The following SASH1 variants were observed in gnomAD, a reference collection of about 807,000 sequenced individuals.
The protein encoded by SASH1 is SAM and SH3 domain containing 1.
Under a neutral mutation model 125.2 loss-of-function variants are expected in SASH1, and 44 were observed. The observed-to-expected ratio is 0.35, with a 90% CI of 0.28 to 0.45. SASH1 has a LOEUF of 0.45. SASH1 is among the 20% of genes least tolerant of loss of function. The pLI, the probability that SASH1 is intolerant of heterozygous loss-of-function variation, is 1.00. For missense variants in SASH1, 1,426 were observed against 1,614.5 expected, an observed-to-expected ratio of 0.88 and a Z score of 2.00; for synonymous variants, 639 against 649.1, an observed-to-expected ratio of 0.98 and a Z score of 0.24.
intron 7 of SASH1, among the ~76,000 whole-genome samples, chr6:148,486,537 A>T (rs2115195734): frequency 6.6e-6 from 1 of 152,288 alleles, no homozygotes; most frequent in East Asian, 1.9e-4. Flanking sequence ...AAAGGTCTCC[A>T]ATAACCCCAT....
intron 4 of SASH1, among the ~76,000 whole-genome samples, chr6:148,446,829 T>C (rs774581702): frequency 2.0e-5 from 3 of 152,040 alleles, no homozygotes; most frequent in Admixed American, 6.6e-5. Context: ...AGGACAGAGG[T>C]AAGTTGCCCA....
chr6:148,433,406 CTTTT>C (rs5880780), intron 2 of SASH1, among the ~76,000 whole-genome samples: 1 of 128,004 alleles, frequency 7.8e-6, no homozygotes. Context: ...TTTCTTTTTT[CTTTT>C]TTTTTTTTTT....
the SASH1 span, among the ~76,000 whole-genome samples, chr6:148,263,298 T>C: frequency 6.6e-6 from 1 of 152,150 alleles, no homozygotes; most frequent in Non-Finnish European, 1.5e-5. Context: ...ATCCTTGCAT[T>C]CTTAAGCAGG....
chr6:148,347,734 C>T (rs1296327592), intron 1 of SASH1, among the ~76,000 whole-genome samples: 2 of 145,872 alleles, frequency 1.4e-5, no homozygotes, highest in African/African-American at 5.1e-5. Context: ...AATATTCTGA[C>T]TTCACCTTAA....
In SASH1 at chr6:148,531,857, A is replaced by AAAAC. The variant is rs148711234; in HGVS notation, c.1564+198_1564+201dup. Among the ~76,000 whole-genome samples the AAAAC allele has an allele frequency of 8.9e-3, 1,322 of 148,526 alleles. 26 individuals carry two copies. The highest frequency in any genetic ancestry group is 0.03 in the African/African-American group (1,244 of 40,802). On this transcript the variant is annotated intron_variant, in intron 13 of 19. Transcript: ENST00000367467. ...AGTAGACATGCAGCAGCAGCAGCCC[A>AAAAC]AAACAGGAGGTGATGAATTTTGATC...
chr6:148,456,912 A>G (rs1461475743), intron 4 of SASH1, among the ~76,000 whole-genome samples: 2 of 109,958 alleles, frequency 1.8e-5, no homozygotes, highest in Admixed American at 1.9e-4. Context: ...TAATGTAAAC[A>G]AAGGTACTTT....
Position 148,375,247 on chromosome 6 carries a change from C to T in SASH1, c.157-14887C>T, listed in dbSNP as rs143752067. On this transcript the variant is annotated intron_variant, in intron 1 of 19. Transcript: ENST00000367467. Reference sequence around the variant, plus strand: ...GCTCAAATGATCCACCCGCCTCAGCCTCCCAAAGTGCTGGAATTACAGGCA... The same window carrying T: ...GCTCAAATGATCCACCCGCCTCAGCTTCCCAAAGTGCTGGAATTACAGGCA... Among the ~76,000 whole-genome samples the T allele has an allele frequency of 4.7e-3, 714 of 152,228 alleles. 2 individuals carry two copies. Among genetic ancestry groups the T allele is most frequent in the East Asian group, 0.022 (115 of 5,184 alleles).
At position 148,546,033 on chromosome 6, in the gene SASH1, C is replaced by A; in HGVS notation, c.3367C>A (p.Pro1123Thr). ...CTGGCAGCATGGCCGCTGTGGGATT[C>A]CTGAAGCCCTGGTGCAGAGATACGC... ...YSDKHGRCGI[P>T]EALVQRYAED... Residue 1123 changes from proline to threonine, a missense_variant, in exon 19 of 20, where the codon CCT becomes ACT. Pro to Thr is a conservative substitution (Grantham distance 38). Around this residue, in one of 3 missense-constraint regions of SASH1, gnomAD observed 634 missense variants for 694.4 expected, o/e 0.91. Transcript: ENST00000367467. 1.2e-6 allele frequency: 2 copies of A among 1,613,826 alleles called. No homozygotes were observed. The highest frequency in any genetic ancestry group is 1.7e-6 in the Non-Finnish European group (2 of 1,179,910).
Position 148,392,486 on chromosome 6 carries a change from C to T in SASH1, c.285+2224C>T, listed in dbSNP as rs536936270. Among the ~76,000 whole-genome samples the T allele has an allele frequency of 3.9e-5, 6 of 152,122 alleles. No individual in the cohort carries two copies. In the East Asian group the frequency reaches 7.7e-4, roughly 20 times the overall value. On this transcript the variant is annotated intron_variant, in intron 2 of 19. Coordinates refer to ENST00000367467, the MANE Select transcript of SASH1 (RefSeq NM_015278.5). ...GTTACATACAAGGGTTCTGTGAGTC[C>T]TCTCATACAAGGGACTCAGCAAGTG...
At chr6:148,413,953 G>A (rs1784726801) in intron 2 of SASH1, among the ~76,000 whole-genome samples, 1 of 151,956 alleles carries the variant, frequency 6.6e-6, no homozygotes. Flanking sequence ...TGAAGTCTAT[G>A]TAAAAACCAT....
intron 1 of SASH1, among the ~76,000 whole-genome samples, chr6:148,376,574 G>A (rs1279573967): frequency 6.6e-6 from 1 of 152,008 alleles, no homozygotes; most frequent in Non-Finnish European, 1.5e-5. Context: ...TACAACACCC[G>A]AACCAGGCCA....
At chr6:148,217,008 T>G in the SASH1 span, among the ~76,000 whole-genome samples, 1 of 152,132 alleles carries the variant, frequency 6.6e-6, no homozygotes. Flanking sequence ...ATTATAGGCA[T>G]AAGCCACCAT....
At chr6:148,326,680 G>A (rs1780839696) in intron 1 of SASH1, among the ~76,000 whole-genome samples, 1 of 151,880 alleles carries the variant, frequency 6.6e-6, no homozygotes, top group Non-Finnish European at 1.5e-5. Context: ...GGGATTACAG[G>A]CATGAGCCAC....
intron 1 of SASH1, among the ~76,000 whole-genome samples, chr6:148,366,088 G>T (rs1782441827): frequency 2.6e-5 from 4 of 151,776 alleles, no homozygotes; most frequent in Admixed American, 2.6e-4. Context: ...ACTCCAGCCT[G>T]GGGGATAGAG....
chr6:148,399,314 T>C (rs556715363), intron 2 of SASH1, among the ~76,000 whole-genome samples: 1 of 146,328 alleles, frequency 6.8e-6, no homozygotes, highest in South Asian at 2.2e-4. Context: ...ACCTCCCGGG[T>C]TCAAGTGATT....
rs1780268956 is a variant in SASH1, at chr6:148,310,368, A to C, written n.74+37991A>C. ...CTAGAATCAAAAAAGCCTCAGTGCA[A>C]ATCTCTGCTGTATCTATTTAACAAC... is the stretch of plus-strand genomic sequence containing the variant. On this transcript the variant is annotated intron_variant and non_coding_transcript_variant, in intron 1 of 3. Transcript: ENST00000367469. Among the ~76,000 whole-genome samples the C allele has an allele frequency of 1.3e-5, 2 of 151,984 alleles. 1 individual carries two copies. Among genetic ancestry groups the C allele is most frequent in the South Asian group, 4.1e-4 (2 of 4,822 alleles).
At chr6:148,303,831 T>A (rs1408562386) in intron 1 of SASH1, among the ~76,000 whole-genome samples, 1 of 149,188 alleles carries the variant, frequency 6.7e-6, no homozygotes, top group East Asian at 1.9e-4. Context: ...ATAAATAAAA[T>A]AAAAATACTC....
chr6:148,546,210 A>C, intron 19 of SASH1, 64 bp downstream of exon 19: 1 of 1,558,910 alleles, frequency 6.4e-7, no homozygotes, highest in Non-Finnish European at 8.7e-7. Flanking sequence ...AGTGATGACC[A>C]TACTAACAAC....
chr6:148,369,896 A>G (rs903880444), intron 1 of SASH1, among the ~76,000 whole-genome samples: 4 of 147,860 alleles, frequency 2.7e-5, no homozygotes, highest in Non-Finnish European at 6.0e-5. Context: ...AGAGGCTGCA[A>G]TGAGCCGAGA....
Sources: allele counts gnomAD v4.1 joint callset (sites outside exome capture counted in the v4.1 genomes callset), GRCh38; gene constraint gnomAD v4.1.1; regional missense constraint gnomAD v4.1.1; transcripts MANE v1.5; gene names NCBI Gene and HGNC (gene_info 2026-07-23, HGNC 2026-07-21).